The following SERPINI2 variants were observed in gnomAD, a reference collection of about 807,000 sequenced individuals.
SERPINI2 encodes the protein serpin family I member 2.
SERPINI2 carries 48 observed loss-of-function variants against 47.3 expected under a neutral mutation model. The observed-to-expected ratio is 1.02, with a 90% CI of 0.81 to 1.29. The LOEUF (loss-of-function observed/expected upper bound fraction) is 1.29. Among genes scored for constraint, SERPINI2 ranks in the 50% most tolerant of loss-of-function variants. The probability of loss-of-function intolerance (pLI) is 0.00; values close to 1 mark genes in which losing one functional copy is unlikely to be tolerated. For missense variants in SERPINI2, 448 were observed against 456.9 expected (o/e 0.98, Z 0.18); for synonymous variants, 135 against 149.3 (o/e 0.90, Z 0.70).
At chr3:167,466,047 A>C (rs1560235577) in intron 3 of SERPINI2, among the ~76,000 whole-genome samples, 5 of 152,186 alleles carry the variant, frequency 3.3e-5, no homozygotes, top group Admixed American at 6.5e-5. Flanking sequence ...GTCAGTCATC[A>C]TAAGTAAGTT....
intron 5 of SERPINI2, among the ~76,000 whole-genome samples, chr3:167,454,341 C>A (rs34381647): frequency 0.088 from 13,469 of 152,242 alleles, 623 homozygotes; most frequent in Non-Finnish European, 0.11. Context: ...TCATTCAGAA[C>A]CCTATCTACC....
At chr3:167,444,100 A>G (rs933077299) in intron 8 of SERPINI2, among the ~76,000 whole-genome samples, 2 of 152,126 alleles carry the variant, frequency 1.3e-5, no homozygotes, top group African/African-American at 2.4e-5. Context: ...TCCCCTCAAC[A>G]CACAACCCAA....
intron 2 of SERPINI2, among the ~76,000 whole-genome samples, chr3:167,468,751 A>C (rs1185456512): frequency 6.6e-6 from 1 of 152,204 alleles, no homozygotes; most frequent in Non-Finnish European, 1.5e-5. Context: ...GTAACCATTT[A>C]TTGCTATCTG....
At chr3:167,459,921 G>T (rs951297496) in intron 5 of SERPINI2, among the ~76,000 whole-genome samples, 20 of 152,068 alleles carry the variant, frequency 1.3e-4, no homozygotes, top group African/African-American at 4.6e-4. Context: ...GAAGACAGAT[G>T]GCTACATGAC....
intron 8 of SERPINI2, among the ~76,000 whole-genome samples, chr3:167,443,814 A>G (rs768934359): frequency 6.6e-6 from 1 of 152,194 alleles, no homozygotes; most frequent in Non-Finnish European, 1.5e-5. Flanking sequence ...TTGAATCTTC[A>G]TGCCATCATC....
chr3:167,459,287 G>A (rs1354610156), intron 5 of SERPINI2, among the ~76,000 whole-genome samples: 2 of 151,722 alleles, frequency 1.3e-5, no homozygotes. Flanking sequence ...TTTTAGCCGG[G>A]ATGGTCTCGA....
At chr3:167,451,429 T>C (rs796425741) in intron 6 of SERPINI2, among the ~76,000 whole-genome samples, 2 of 152,362 alleles carry the variant, frequency 1.3e-5, no homozygotes, top group African/African-American at 4.8e-5. Flanking sequence ...CTTTAGTGAA[T>C]GTTTATTGTA....
At chr3:167,449,346 C>T (rs866376740) in exon 7 of SERPINI2, 1 of 1,613,124 alleles carries the variant, frequency 6.2e-7, no homozygotes. Context: ...CTACCATCTT[C>T]ATTTATCTCA....
chr3:167,442,390 A>AAATT (rs1276883430), intron 8 of SERPINI2, among the ~76,000 whole-genome samples: 1 of 152,156 alleles, frequency 6.6e-6, no homozygotes. Context: ...TTTATGAGGT[A>AAATT]AATTAACACC....
rs772778570 is a variant in SERPINI2 at position 167,463,136 on chromosome 3, AT to A, written c.866+2069del. Among the ~76,000 whole-genome samples, 258 of 146,200 alleles carry A rather than the reference AT, an allele frequency of 1.8e-3. 1 individual carries two copies. The highest frequency in any genetic ancestry group is 8.1e-3 in the South Asian group (37 of 4,596). ...TCACAGACAGTTTTCAAACTCAGTA[AT>A]TTTTTTTTTTTGTCTCCAAGAAAGT... On this transcript the variant is annotated intron_variant, in intron 5 of 8. Transcript: ENST00000264677.
At chr3:167,474,066 T>C (rs1023734965) in exon 1 of SERPINI2, 18 of 1,036,718 alleles carry the variant, frequency 1.7e-5, no homozygotes, top group Admixed American at 1.7e-4. Flanking sequence ...TGGAAAACTC[T>C]TGTACATAAA....
chr3:167,454,197 CATT>C (rs1474357930), intron 5 of SERPINI2, among the ~76,000 whole-genome samples: 2 of 152,128 alleles, frequency 1.3e-5, no homozygotes, highest in African/African-American at 4.8e-5. Context: ...CTAATTAGAT[CATT>C]GTTTTAATTG....
At chr3:167,476,490 A>G (rs1750481476), upstream of SERPINI2, among the ~76,000 whole-genome samples, 1 of 152,052 alleles carries the variant, frequency 6.6e-6, no homozygotes, top group Non-Finnish European at 1.5e-5. Flanking sequence ...TAAGGATGGA[A>G]TTAGAGTTAC....
At chr3:167,463,107 C>T (rs556796189) in intron 5 of SERPINI2, among the ~76,000 whole-genome samples, 51 of 151,770 alleles carry the variant, frequency 3.4e-4, no homozygotes, top group Non-Finnish European at 5.1e-4. Context: ...ACTGGTGGTA[C>T]ATGTCACAGA....
chr3:167,471,689 G>T, exon 2 of SERPINI2: 1 of 1,613,318 alleles, frequency 6.2e-7, no homozygotes, highest in Non-Finnish European at 8.5e-7. Context: ...TATTCCAAGG[G>T]GTGAAAATAT....
rs368794334 is a variant in SERPINI2 at position 167,465,087 on chromosome 3, A to G, written c.866+119T>C. 5.5e-6 allele frequency: 5 copies of G among 909,608 alleles called. No homozygotes were observed. The African/African-American group carries it at 6.8e-5, about 12-fold the overall frequency. 56.3% of individuals were successfully genotyped at this position (909,608 alleles called of 1,614,324 possible). A position where few individuals can be genotyped will look rare whatever the true frequency, so the allele number is the denominator to read the frequency against. ...AAAGTAGAGTAAAATTTCCAAATAC[A>G]TTTGTATTTTCATTTGTGTCAATAG... On this transcript the variant is annotated intron_variant, in intron 5 of 8. Coordinates refer to ENST00000264677, the Ensembl canonical transcript of SERPINI2.
intron 2 of SERPINI2, among the ~76,000 whole-genome samples, chr3:167,468,806 G>C (rs1470587254): frequency 2.6e-5 from 4 of 152,154 alleles, no homozygotes; most frequent in Non-Finnish European, 5.9e-5. Flanking sequence ...TACAGAAAAG[G>C]CTTTCTGAGT....
rs1401257035 is a variant in SERPINI2 at position 167,467,081 on chromosome 3, C to CTTA, written c.449_451dup (p.Ile150dup). ...ATCTGTTTTTCTTTCTACCCAGGTA[C>CTTA]TTATCATCTCTGCACAAGCCTTTGC... On this transcript the variant is annotated inframe_insertion, in exon 3 of 9. Coordinates refer to ENST00000264677, the Ensembl canonical transcript of SERPINI2. 1.9e-6 allele frequency: 3 copies of CTTA among 1,611,210 alleles called. No individual in the cohort carries two copies. In the Admixed American group the frequency reaches 5.0e-5, roughly 27 times the overall value.
At chr3:167,467,379 C>T (rs541718187) in intron 2 of SERPINI2, 94 bp from the exon 3 acceptor site, 9 of 801,976 alleles carry the variant, frequency 1.1e-5, no homozygotes, top group South Asian at 5.5e-5. Flanking sequence ...TTCATATCAC[C>T]GTTTTTTGCA....
Sources: allele counts gnomAD v4.1 joint callset (sites outside exome capture counted in the v4.1 genomes callset), GRCh38; gene constraint gnomAD v4.1.1; transcripts MANE v1.5; gene names NCBI Gene and HGNC (gene_info 2026-07-23, HGNC 2026-07-21).